The following RELA variants were observed in gnomAD, a reference collection of about 807,000 sequenced individuals.
The protein encoded by RELA is transcription factor p65.
A neutral mutation model predicts 56.7 loss-of-function variants in RELA; 14 were observed. The ratio of observed to expected loss-of-function variants is 0.25; its 90% CI spans 0.16 to 0.39. RELA has a LOEUF of 0.39. Among genes scored for constraint, RELA ranks in the 10% least tolerant of loss-of-function variants. The pLI, the probability that RELA is intolerant of heterozygous loss-of-function variation, is 1.00. For synonymous variants in RELA, 315 were observed against 289.7 expected, an observed-to-expected ratio of 1.09 and a Z score of -0.89; for missense variants, 559 against 736.4, an observed-to-expected ratio of 0.76 and a Z score of 2.79.
Position 65,655,895 on chromosome 11 carries a change from A to G in RELA, c.918T>C (p.Tyr306=). ...HRIEEKRKRT[Y]ETFKSIMKKS... is the part of the protein sequence containing the mutation. ...TCTTCATGATGCTCTTGAAGGTCTC[A>G]TATGTCCTTTTACGTTTCTCCTCAA... Residue 306 remains tyrosine, a synonymous_variant, in exon 9 of 11, where the codon TAT becomes TAC. Transcript: ENST00000406246. 1.9e-6 allele frequency: 3 copies of G among 1,614,046 alleles called. No homozygotes were observed. Among genetic ancestry groups the G allele is most frequent in the Admixed American group, 1.7e-5 (1 of 60,012 alleles).
intron 6 of RELA, 143 bp downstream of exon 6, chr11:65,659,521 CAA>C (rs1330725472): frequency 3.5e-5 from 39 of 1,098,800 alleles, no homozygotes; most frequent in Middle Eastern, 3.1e-4. Context: ...CCCCAGCCAA[CAA>C]AGAGCTGGGC....
In RELA at chr11:65,656,053, C is replaced by A. The variant is rs1284684289; in HGVS notation, c.878-118G>T. The A allele has an allele frequency of 4.9e-6, 4 of 814,032 alleles. No individual in the cohort carries two copies. In the Admixed American group the frequency reaches 7.8e-5, roughly 16 times the overall value. 50.4% of individuals were successfully genotyped at this position (814,032 alleles called of 1,614,324 possible). ...GCTTTCCCAAGACCCATTCTCCCAACCTTCTCTGCCAATGAGAAGGGATGT... is the reference window on the plus strand; with the variant it reads ...GCTTTCCCAAGACCCATTCTCCCAAACTTCTCTGCCAATGAGAAGGGATGT... On this transcript the variant is annotated intron_variant, in intron 8 of 10. Coordinates refer to ENST00000406246, the MANE Select transcript of RELA (RefSeq NM_021975.4).
At chr11:65,659,638 C>T in intron 6 of RELA, 28 bp downstream of exon 6, 1 of 1,612,526 alleles carries the variant, frequency 6.2e-7, no homozygotes, top group Non-Finnish European at 8.5e-7. Context: ...CCACCCTCTC[C>T]CCTTCCTGCG....
At position 65,661,712 on chromosome 11, in the gene RELA, G is replaced by T; in HGVS notation, c.310C>A (p.Leu104Ile). 1 of 1,608,734 alleles carries T rather than the reference G, an allele frequency of 6.2e-7. No individual in the cohort carries two copies. The highest frequency in any genetic ancestry group is 8.5e-7 in the Non-Finnish European group (1 of 1,176,958). ...DCRDGFYEAELCPDRCIHSFQ... is the reference protein window; with the variant it reads ...DCRDGFYEAEICPDRCIHSFQ... Reference sequence around the variant, plus strand: ...CTGTGGATGCAGCGGTCCGGGCAGAGCTCAGCCTCATAGAAGCCATCCCGG... The same window carrying T: ...CTGTGGATGCAGCGGTCCGGGCAGATCTCAGCCTCATAGAAGCCATCCCGG... Residue 104 changes from leucine to isoleucine, a missense_variant, in exon 4 of 11, where the codon CTC (leucine) becomes ATC (isoleucine). By Grantham distance (5) the Leu-to-Ile change is conservative. This residue lies in a region of RELA where 149 missense variants were observed against 256.0 expected (regional missense o/e 0.58). Coordinates refer to ENST00000406246, the MANE Select transcript of RELA (RefSeq NM_021975.4).
At position 65,654,455 on chromosome 11, in the gene RELA, G is replaced by C; in HGVS notation, c.1579C>G (p.Leu527Val). ...GAGAAGTCTTCATCTCCTGAAAGGA[G>C]GCCATTGGGGAGCCCCGGGGCCCCC... ...PLGAPGLPNG[L>V]LSGDEDFSSI... Residue 527 changes from leucine (L) to valine (V), a missense_variant, in exon 11 of 11, where the codon CTC (leucine) becomes GTC (valine). Transcript: ENST00000406246. 6.2e-7 allele frequency: 1 copy of C among 1,608,150 alleles called. No individual in the cohort carries two copies. Among genetic ancestry groups the C allele is most frequent in the Non-Finnish European group, 8.5e-7 (1 of 1,177,754 alleles).
At chr11:65,656,967 A>C (rs1233939188) in intron 8 of RELA, among the ~76,000 whole-genome samples, 2 of 152,170 alleles carry the variant, frequency 1.3e-5, no homozygotes, top group African/African-American at 4.8e-5. Context: ...TGGAGGTTGC[A>C]GTGAGCCGAG....
intron 8 of RELA, among the ~76,000 whole-genome samples, chr11:65,656,247 C>T (rs1856424958): frequency 6.6e-6 from 1 of 152,224 alleles, no homozygotes; most frequent in South Asian, 2.1e-4. Flanking sequence ...CTGCTCACAT[C>T]CTGGCTCATT....
intron 4 of RELA, chr11:65,661,418 C>T (rs984711539): frequency 1.3e-5 from 5 of 373,584 alleles, no homozygotes; most frequent in African/African-American, 6.2e-5. Flanking sequence ...AAACAAGAGA[C>T]GTGACTCTGA....
At chr11:65,663,662 C>T (rs1418515323), upstream of RELA, among the ~76,000 whole-genome samples, 1 of 152,216 alleles carries the variant, frequency 6.6e-6, no homozygotes, top group Non-Finnish European at 1.5e-5. Context: ...GTCTCTGAAG[C>T]CTGGCGCTTG....
chr11:65,659,655 T>G lies in RELA; in HGVS notation c.559+11A>C. On this transcript the variant is annotated intron_variant, in intron 6 of 10. Transcript: ENST00000406246. ...ACCCTCTCCCCTTCCTGCGTCTCCC[T>G]CGCTACTCACGATTGTCAAAGATGG... 8 of 1,613,144 alleles carry G rather than the reference T, an allele frequency of 5.0e-6. No individual in the cohort carries two copies. Among genetic ancestry groups the G allele is most frequent in the Non-Finnish European group, 6.8e-6 (8 of 1,179,914 alleles).
intron 8 of RELA, among the ~76,000 whole-genome samples, chr11:65,656,648 C>T (rs1411269082): frequency 1.3e-5 from 2 of 152,184 alleles, no homozygotes; most frequent in Non-Finnish European, 2.9e-5. Flanking sequence ...GGGATGTGGC[C>T]GTGAGTATGC....
rs530692707 is a variant in RELA, at chr11:65,653,715, C to A, written c.*663G>T. 5 of 153,170 alleles carry A rather than the reference C, an allele frequency of 3.3e-5. No individual in the cohort carries two copies. In the East Asian group the frequency reaches 9.6e-4, roughly 30 times the overall value. The allele number at this position is 153,170 out of a possible 1,614,324, so 9.5% of individuals were successfully genotyped here. On this transcript the variant is annotated 3_prime_UTR_variant, in exon 11 of 11. Coordinates refer to ENST00000406246, the MANE Select transcript of RELA (RefSeq NM_021975.4). ...GGAGAGCTGCCAGCCTGCTCTCCCC[C>A]ACTCTTAACAACTTACCCTACTATT... is the stretch of plus-strand genomic sequence containing the variant.
intron 5 of RELA, 88 bp from the exon 6 acceptor site, chr11:65,659,885 C>T: frequency 6.7e-7 from 1 of 1,481,826 alleles, no homozygotes. Flanking sequence ...GCTGGGAGGG[C>T]CGCTGGTGCG....
chr11:65,656,358 A>G (rs1856428450), intron 8 of RELA, among the ~76,000 whole-genome samples: 1 of 152,168 alleles, frequency 6.6e-6, no homozygotes, highest in South Asian at 2.1e-4. Flanking sequence ...TCTTATCTCT[A>G]ATGGTTTCAT....
chr11:65,655,119 C>CTAA (rs1352277424), intron 10 of RELA, 119 bp from the exon 11 acceptor site: 5 of 799,642 alleles, frequency 6.3e-6, no homozygotes, highest in East Asian at 5.3e-5. Context: ...GGAGTCACTG[C>CTAA]CAACACCCTA....
Position 65,659,465 on chromosome 11 carries a change from C to G in RELA, c.559+201G>C, listed in dbSNP as rs1015078338. 2.0e-5 allele frequency among the ~76,000 whole-genome samples: 3 copies of G among 152,170 alleles called. No homozygotes were observed. The South Asian group carries it at 6.2e-4, about 32-fold the overall frequency. ...CTCTCTGCTAGACTTCCTGCCAGGC[C>G]AGAGCTACACCTCAAGGACAGCTCT... is the stretch of plus-strand genomic sequence containing the variant. On this transcript the variant is annotated intron_variant, in intron 6 of 10. Coordinates refer to ENST00000406246, the MANE Select transcript of RELA (RefSeq NM_021975.4).
At position 65,655,862 on chromosome 11, in the gene RELA, A is replaced by G. The variant is rs766720999; in HGVS notation, c.951T>C (p.Pro317=). ...ETFKSIMKKS[P]FSGPTDPRPP... is the part of the protein sequence containing the mutation. ...TCCCAGTCCCCATCTCACCGCTGAAAGGACTCTTCTTCATGATGCTCTTGA... is the reference window on the plus strand; with the variant it reads ...TCCCAGTCCCCATCTCACCGCTGAAGGGACTCTTCTTCATGATGCTCTTGA... Residue 317 remains proline, a synonymous_variant, in exon 9 of 11, where the codon CCT becomes CCC. Coordinates refer to ENST00000406246, the MANE Select transcript of RELA (RefSeq NM_021975.4). 1.1e-5 allele frequency: 18 copies of G among 1,613,892 alleles called. No homozygotes were observed. The African/African-American group carries it at 1.7e-4, about 16-fold the overall frequency.
chr11:65,659,865 G>A (rs1856520944), intron 5 of RELA, 68 bp from the exon 6 acceptor site: 2 of 1,542,278 alleles, frequency 1.3e-6, no homozygotes, highest in East Asian at 2.3e-5. Flanking sequence ...GTGGGGGCAG[G>A]GAGCTCTGCG....
chr11:65,661,037 TA>T (rs34431664), intron 4 of RELA, among the ~76,000 whole-genome samples: 52,814 of 109,250 alleles, frequency 0.48, 12,288 homozygotes, highest in East Asian at 0.54. Context: ...GACTCTTTCT[TA>T]AAAAAAAAAA....
Sources: gnomAD v4.1 joint callset for allele counts (sites outside exome capture counted in the v4.1 genomes callset) on GRCh38, gnomAD v4.1.1 for gene constraint, gnomAD v4.1.1 regional missense constraint, MANE v1.5 for transcripts, NCBI Gene and HGNC (gene_info 2026-07-23, HGNC 2026-07-21) for gene names.